Variants in MGAT4B observed in about 807,000 individuals in gnomAD.
The protein encoded by MGAT4B is alpha-1,3-mannosyl-glycoprotein 4-beta-N-acetylglucosaminyltransferase B, also known as N-acetylglucosaminyltransferase IVb.
MGAT4B carries 38 observed loss-of-function variants against 73.9 expected under a neutral mutation model. That is an observed-to-expected ratio of 0.51 (90% CI 0.40 to 0.67). The LOEUF is 0.67. Among genes scored for constraint, MGAT4B ranks in the 30% least tolerant of loss-of-function variants. MGAT4B has a pLI of 0.00. For missense variants in MGAT4B, 686 were observed against 735.2 expected (o/e 0.93, Z 0.77); for synonymous variants, 373 against 313.5 (o/e 1.19, Z -2.01).
At position 179,800,181 on chromosome 5, in the gene MGAT4B, G is replaced by A; in HGVS notation, c.795+3C>T. On this transcript the variant is annotated splice_donor_region_variant and intron_variant, in intron 7 of 14. Coordinates refer to ENST00000292591, the MANE Select transcript of MGAT4B (RefSeq NM_014275.5). ...GCAGGGCAACGCAGGGCTTGGGGCT[G>A]ACCTGCACGTAGTAGATGCCTTTGG... 6.2e-7 allele frequency: 1 copy of A among 1,613,720 alleles called. No individual in the cohort carries two copies. Among genetic ancestry groups the A allele is most frequent in the Non-Finnish European group, 8.5e-7 (1 of 1,179,988 alleles).
intron 1 of MGAT4B, among the ~76,000 whole-genome samples, chr5:179,804,411 TGGCTGAGACCCCG>T (rs1371739946): frequency 2.0e-5 from 3 of 152,172 alleles, no homozygotes; most frequent in African/African-American, 7.2e-5. Flanking sequence ...GAGCGCTGCA[TGGCTGAGACCCCG>T]GGCTGCCCCC....
intron 9 of MGAT4B, 26 bp from the exon 10 acceptor site, chr5:179,799,336 G>C (rs115091542): frequency 3.4e-5 from 54 of 1,610,858 alleles, no homozygotes; most frequent in Non-Finnish European, 4.2e-5. Context: ...AACACCCCAG[G>C]GCTCGGCTTA....
At chr5:179,799,826 G>C in intron 8 of MGAT4B, 128 bp downstream of exon 8, 1 of 1,211,186 alleles carries the variant, frequency 8.3e-7, no homozygotes, top group Non-Finnish European at 1.2e-6. Flanking sequence ...GCCAGGTGGG[G>C]CTGTAGCACG....
rs764604962 is a variant in MGAT4B at position 179,799,620 on chromosome 5, C to T, written c.927G>A (p.Ser309=). 21 of 1,613,748 alleles carry T rather than the reference C, an allele frequency of 1.3e-5. No individual in the cohort carries two copies. The highest frequency in any genetic ancestry group is 4.0e-5 in the African/African-American group (3 of 75,042). ...QLGFIGKMFK[S]LDLSLIVEFI... is the part of the protein sequence containing the mutation. ...ACTCTACAATCAGGCTCAGGTCCAG[C>T]GACTTGAACATCTTACCTGGTGGGG... Residue 309 remains serine (S), a synonymous_variant, in exon 9 of 15, where the codon TCG becomes TCA. Transcript: ENST00000292591.
rs1357981378 is a variant in MGAT4B at position 179,800,519 on chromosome 5, GA to G, written c.683del (p.Leu228ProfsTer26). On this transcript the variant is annotated frameshift_variant, in exon 6 of 15. Coordinates refer to ENST00000292591, the MANE Select transcript of MGAT4B (RefSeq NM_014275.5). LOFTEE classifies it high-confidence loss of function. ...CCTTGGGGTCCCCAAAGGACTCTCG[GA>G]GGCGGGAGAAGTCAGGGTAGAAGTG... ...SPHFYPDFSR[L>X]RESFGDPKER... 1.2e-6 allele frequency: 2 copies of G among 1,611,842 alleles called. No individual in the cohort carries two copies. The highest frequency in any genetic ancestry group is 2.7e-5 in the African/African-American group (2 of 74,856).
intron 1 of MGAT4B, chr5:179,802,354 G>A (rs1208127219): frequency 3.7e-5 from 48 of 1,305,902 alleles, no homozygotes; most frequent in Non-Finnish European, 4.4e-5. Context: ...TGCAGCACAC[G>A]CTCCCTCCAG....
intron 1 of MGAT4B, chr5:179,803,439 G>T: frequency 4.9e-6 from 1 of 204,200 alleles, no homozygotes. Flanking sequence ...CCAGGTGTAG[G>T]CAGCACTCGC....
rs372403519 is a variant in MGAT4B at position 179,800,970 on chromosome 5, C to T, written c.559-17G>A. ...TGAGTCAGTCTGTGGGGAGACCAAG[C>T]ACCCTCCCTTAGCCCTGCTGCTGCC... On this transcript the variant is annotated splice_polypyrimidine_tract_variant and intron_variant, in intron 4 of 14. Transcript: ENST00000292591. 2 of 1,613,780 alleles carry T rather than the reference C, an allele frequency of 1.2e-6. No individual in the cohort carries two copies. Among genetic ancestry groups the T allele is most frequent in the Non-Finnish European group, 1.7e-6 (2 of 1,179,904 alleles).
chr5:179,802,668 C>T, intron 1 of MGAT4B: 1 of 986,360 alleles, frequency 1.0e-6, no homozygotes, highest in Non-Finnish European at 1.2e-6. Flanking sequence ...CCCCAGGGGG[C>T]CCCTGTCAGA....
chr5:179,803,483 G>A (rs1416487159), intron 1 of MGAT4B: 2 of 157,820 alleles, frequency 1.3e-5, no homozygotes, highest in Non-Finnish European at 2.7e-5. Flanking sequence ...CAGAGGCCTA[G>A]AGAGCCATCA....
rs373982998 is a variant in MGAT4B at position 179,800,573 on chromosome 5, C to G, written c.630G>C (p.Gly210=). 17 of 1,611,210 alleles carry G rather than the reference C, an allele frequency of 1.1e-5. No individual in the cohort carries two copies. Among genetic ancestry groups the G allele is most frequent in the Non-Finnish European group, 1.4e-5 (16 of 1,179,212 alleles). ...GGGAGGGTGAGATGACCTCCAGGAGCCCAGAATGGATCTCCGTGGGGAACC... is the reference window on the plus strand; with the variant it reads ...GGGAGGGTGAGATGACCTCCAGGAGGCCAGAATGGATCTCCGTGGGGAACC... ...KALFPTEIHS[G]LLEVISPSPH... The change falls in exon 6 of 15, where the codon GGG becomes GGC. Residue 210 remains glycine, a synonymous_variant. Transcript: ENST00000292591.
intron 5 of MGAT4B, 57 bp from the exon 6 acceptor site, chr5:179,800,654 G>T: frequency 7.6e-7 from 1 of 1,308,214 alleles, no homozygotes; most frequent in Non-Finnish European, 1.1e-6. Context: ...GAGGGGCCGA[G>T]CCCACCAGAC....
Position 179,801,244 on chromosome 5 carries a change from A to C in MGAT4B, c.558+90T>G. 1.4e-6 allele frequency: 2 copies of C among 1,467,754 alleles called. No homozygotes were observed. The highest frequency in any genetic ancestry group is 2.7e-5 in the South Asian group (2 of 73,856). 90.9% of individuals were successfully genotyped at this position (1,467,754 alleles called of 1,614,324 possible). A position where few individuals can be genotyped will look rare whatever the true frequency, so the allele number is the denominator to read the frequency against. The stretch of plus-strand genomic sequence containing the variant: ...TGAAACTAGCAACTGAACTTCCGAC[A>C]GCTTTCTCCTCGGAATGGTTCCTGC... On this transcript the variant is annotated intron_variant, in intron 4 of 14. Transcript: ENST00000292591. The surrounding 1 kb of genome is among the most constrained non-coding windows in gnomAD (Gnocchi z 4.8).
chr5:179,798,267 G>T lies in MGAT4B; in HGVS notation c.1521C>A (p.Tyr507Ter), dbSNP rs1562605255. 2 of 1,612,642 alleles carry T rather than the reference G, an allele frequency of 1.2e-6. No individual in the cohort carries two copies. Among genetic ancestry groups the T allele is most frequent in the Non-Finnish European group, 1.7e-6 (2 of 1,179,816 alleles). ...CCACCTCTCCCTCTGCCACTCCCTT[G>T]TAGAAGGAGCCTGTGGGAGGGCAGT... ...PDGYLQIGSF[Y>*]KGVAEGEVDP... The change falls in exon 14 of 15, where the codon TAC (tyrosine) becomes TAA (stop). Residue 507 changes from tyrosine (Y) to a stop codon, truncating the protein, a stop_gained. Coordinates refer to ENST00000292591, the MANE Select transcript of MGAT4B (RefSeq NM_014275.5). LOFTEE classifies it high-confidence loss of function.
Position 179,797,730 on chromosome 5 carries a change from G to T in MGAT4B, c.*315C>A. ...CATAAAGTAGTATATGCATTCCAGT[G>T]TTCGCGCCAGAGACGGCGGGCGCCC... On this transcript the variant is annotated 3_prime_UTR_variant, in exon 15 of 15. Coordinates refer to ENST00000292591, the MANE Select transcript of MGAT4B (RefSeq NM_014275.5). 1 of 358,204 alleles carries T rather than the reference G, an allele frequency of 2.8e-6. No individual in the cohort carries two copies. The highest frequency in any genetic ancestry group is 5.1e-6 in the Non-Finnish European group (1 of 197,784). The allele number at this position is 358,204 out of a possible 1,614,324, so 22.2% of individuals were successfully genotyped here. A position where few individuals can be genotyped will look rare whatever the true frequency, so the allele number is the denominator to read the frequency against.
intron 8 of MGAT4B, 62 bp from the exon 9 acceptor site, chr5:179,799,698 G>C: frequency 1.2e-6 from 2 of 1,606,070 alleles, no homozygotes; most frequent in South Asian, 1.1e-5. Flanking sequence ...CCCTGCAGCG[G>C]CCCCCGAGTC....
rs534499656 is a variant in MGAT4B, at chr5:179,800,401, A to G, written c.719+83T>C. 3 of 1,425,280 alleles carry G rather than the reference A, an allele frequency of 2.1e-6. No individual in the cohort carries two copies. The African/African-American group carries it at 4.2e-5, about 20-fold the overall frequency. 88.3% of individuals were successfully genotyped at this position (1,425,280 alleles called of 1,614,324 possible). A position where few individuals can be genotyped will look rare whatever the true frequency, so the allele number is the denominator to read the frequency against. Reference sequence around the variant, plus strand: ...ATGGAGAATTCAGGGCACTGCAGGGAAACACCCTGGACTCAAACACCAGTA... The same window carrying G: ...ATGGAGAATTCAGGGCACTGCAGGGGAACACCCTGGACTCAAACACCAGTA... On this transcript the variant is annotated intron_variant, in intron 6 of 14. Transcript: ENST00000292591.
chr5:179,800,292 A>AC, intron 6 of MGAT4B, 33 bp from the exon 7 acceptor site: 1 of 1,608,762 alleles, frequency 6.2e-7, no homozygotes, highest in Non-Finnish European at 8.5e-7. Context: ...AGAAGTTCAG[A>AC]CCCCTCCACC....
chr5:179,798,742 T>C (rs1480097520), intron 11 of MGAT4B, 151 bp from the exon 12 acceptor site: 8 of 1,093,436 alleles, frequency 7.3e-6, no homozygotes, highest in Admixed American at 6.5e-5. Context: ...TCTGGGAGGA[T>C]GGTGACAGGA....
Sources: gnomAD v4.1 joint callset for allele counts (sites outside exome capture counted in the v4.1 genomes callset) on GRCh38, gnomAD v4.1.1 for gene constraint, Gnocchi (gnomAD v3.1) non-coding constraint, MANE v1.5 for transcripts, NCBI Gene and HGNC (gene_info 2026-07-23, HGNC 2026-07-21) for gene names.